MYH10: variants seen among roughly 807,000 people sequenced by gnomAD.
The protein encoded by MYH10 is myosin heavy chain 10, also known as myosin-10.
MYH10 carries 55 observed loss-of-function variants against 257.8 expected under a neutral mutation model. The ratio of observed to expected loss-of-function variants is 0.21; its 90% confidence interval spans 0.17 to 0.27. MYH10 has a LOEUF of 0.27. MYH10 is among the 10% of genes least tolerant of loss of function. The probability of loss-of-function intolerance (pLI) is 1.00; values close to 1 mark genes in which losing one functional copy is unlikely to be tolerated. For missense variants in MYH10, 1,631 were observed against 2,500.6 expected (o/e 0.65, Z 7.42); for synonymous variants, 854 against 921.7 (o/e 0.93, Z 1.33).
intron 9 of MYH10, among the ~76,000 whole-genome samples, chr17:8,551,154 A>AAT (rs397961302): frequency 5.1e-4 from 60 of 118,626 alleles, no homozygotes; most frequent in South Asian, 1.4e-3. Context: ...TAAATAAATA[A>AAT]TAAATTTAAA....
rs555793170 is a variant in MYH10, at chr17:8,569,823, T to A, written c.664-11A>T. 2 of 1,584,844 alleles carry A rather than the reference T, an allele frequency of 1.3e-6. No individual in the cohort carries two copies. The highest frequency in any genetic ancestry group is 1.7e-6 in the Non-Finnish European group (2 of 1,159,216). On this transcript the variant is annotated splice_polypyrimidine_tract_variant and intron_variant, in intron 6 of 42. Coordinates refer to ENST00000360416, the MANE Select transcript of MYH10 (RefSeq NM_001256012.3). The surrounding 1 kb of genome is among the most constrained non-coding windows in gnomAD (Gnocchi z 4.1). ...CCGTTCAAGTTCCCCCTAAAAGACA[T>A]TACACACACACAAATAAAAGCAGAT...
intron 21 of MYH10, among the ~76,000 whole-genome samples, chr17:8,515,033 G>C (rs2081420348): frequency 6.6e-6 from 1 of 152,144 alleles, no homozygotes; most frequent in African/African-American, 2.4e-5. Flanking sequence ...CTCCCACCTA[G>C]ACTCTGAGTT....
intron 3 of MYH10, among the ~76,000 whole-genome samples, chr17:8,591,805 C>A (rs771932214): frequency 1.3e-5 from 2 of 152,126 alleles, no homozygotes; most frequent in Non-Finnish European, 2.9e-5. Context: ...AAAACCAACT[C>A]TCTTCTAGCC....
Position 8,548,789 on chromosome 17 carries a change from TA to T in MYH10, c.920-3del. The T allele has an allele frequency of 6.2e-7, 1 of 1,607,200 alleles. No homozygotes were observed. Among genetic ancestry groups the T allele is most frequent in the South Asian group, 1.1e-5 (1 of 90,786 alleles). On this transcript the variant is annotated splice_polypyrimidine_tract_variant and splice_region_variant and intron_variant, in intron 9 of 42. Transcript: ENST00000360416. Reference sequence around the variant, plus strand: ...TAAATCCTTCAAGAAGCAAATCAGCTAAAAGGAAATATAATGGAAGAAAATT... The same window carrying T: ...TAAATCCTTCAAGAAGCAAATCAGCTAAAGGAAATATAATGGAAGAAAATT...
chr17:8,541,968 G>T (rs2082302924), intron 14 of MYH10, 139 bp downstream of exon 14: 4 of 827,566 alleles, frequency 4.8e-6, no homozygotes, highest in Non-Finnish European at 7.3e-6. Flanking sequence ...TTTTATCAGA[G>T]TATCACCTTC....
At chr17:8,519,591 C>T (rs1190858142) in intron 19 of MYH10, among the ~76,000 whole-genome samples, 1 of 151,690 alleles carries the variant, frequency 6.6e-6, no homozygotes, top group African/African-American at 2.4e-5. Flanking sequence ...ATTATACTCC[C>T]TTTTTCTCCT....
chr17:8,609,072 A>G (rs901248139), intron 2 of MYH10, among the ~76,000 whole-genome samples: 3 of 152,222 alleles, frequency 2.0e-5, no homozygotes, highest in African/African-American at 7.2e-5. Context: ...TGGCCTCCCA[A>G]AGTGCTGGGA....
At chr17:8,604,062 C>T (rs941198750) in intron 3 of MYH10, among the ~76,000 whole-genome samples, 3 of 152,042 alleles carry the variant, frequency 2.0e-5, no homozygotes, top group South Asian at 2.1e-4. Flanking sequence ...CAGCACAGCC[C>T]GTTTTCTGAA....
chr17:8,514,190 G>A (rs1276425668), intron 21 of MYH10, among the ~76,000 whole-genome samples: 4 of 152,106 alleles, frequency 2.6e-5, no homozygotes, highest in Non-Finnish European at 4.4e-5. Context: ...CCCACACTGC[G>A]CACACTAAGA....
At chr17:8,489,451 C>T (rs1915390207) in intron 35 of MYH10, among the ~76,000 whole-genome samples, 1 of 152,182 alleles carries the variant, frequency 6.6e-6, no homozygotes, top group Admixed American at 6.5e-5. Flanking sequence ...TGCCTGTAAT[C>T]CCAGCACTTT....
Position 8,475,619 on chromosome 17 carries a change from T to C in MYH10, c.*185A>G. The C allele has an allele frequency of 3.2e-6, 2 of 631,020 alleles. No individual in the cohort carries two copies. Among genetic ancestry groups the C allele is most frequent in the East Asian group, 5.3e-5 (2 of 37,568 alleles). 39.1% of individuals were successfully genotyped at this position (631,020 alleles called of 1,614,324 possible). A position where few individuals can be genotyped will look rare whatever the true frequency, so the allele number is the denominator to read the frequency against. ...TATGTGTCCTGTGTGTGTCTATATA[T>C]AAAAAGGGGAGCAATTGTACCTAAG... On this transcript the variant is annotated 3_prime_UTR_variant, in exon 43 of 43. Transcript: ENST00000360416.
intron 16 of MYH10, among the ~76,000 whole-genome samples, chr17:8,531,913 A>G (rs757629546): frequency 9.8e-5 from 15 of 152,342 alleles, no homozygotes; most frequent in Non-Finnish European, 1.9e-4. Flanking sequence ...CAGAGTGAGC[A>G]GTGATAAATC....
intron 3 of MYH10, among the ~76,000 whole-genome samples, chr17:8,598,565 T>A (rs1257041494): frequency 6.6e-6 from 1 of 152,166 alleles, no homozygotes; most frequent in East Asian, 1.9e-4. Context: ...TAGCAAAAAA[T>A]TGTCTATTAT....
intron 2 of MYH10, among the ~76,000 whole-genome samples, chr17:8,608,809 A>C (rs1406986262): frequency 6.6e-6 from 1 of 150,400 alleles, no homozygotes; most frequent in Non-Finnish European, 1.5e-5. Context: ...ATGATTGGGA[A>C]ATTTTTTTTT....
chr17:8,550,114 T>C (rs573189950), intron 9 of MYH10, among the ~76,000 whole-genome samples: 24 of 150,122 alleles, frequency 1.6e-4, no homozygotes, highest in African/African-American at 5.9e-4. Flanking sequence ...CGCCACCCCG[T>C]CTGGGAAGTG....
chr17:8,577,978 A>G (rs2152021991), intron 4 of MYH10, among the ~76,000 whole-genome samples: 3 of 152,344 alleles, frequency 2.0e-5, no homozygotes, highest in Middle Eastern at 6.8e-3. Flanking sequence ...TACCATAAAC[A>G]TATCTGGCAC....
At chr17:8,514,002 G>T in intron 21 of MYH10, 108 bp from the exon 22 acceptor site, 1 of 940,666 alleles carries the variant, frequency 1.1e-6, no homozygotes, top group Non-Finnish European at 1.6e-6. Context: ...CTAGGATAGG[G>T]AATGATTGCA....
chr17:8,535,992 C>T lies in MYH10; in HGVS notation c.1606-61G>A. The T allele has an allele frequency of 1.4e-6, 2 of 1,470,248 alleles. No individual in the cohort carries two copies. Among genetic ancestry groups the T allele is most frequent in the East Asian group, 2.3e-5 (1 of 43,710 alleles). 91.1% of individuals were successfully genotyped at this position (1,470,248 alleles called of 1,614,324 possible). On this transcript the variant is annotated intron_variant, in intron 14 of 42. Transcript: ENST00000360416. This position sits in a 1 kb window ranked among gnomAD's most constrained non-coding sequence, Gnocchi z 4.3. ...GCATGCCACTTTAATACTACTGAGT[C>T]TGGCACTTAAACTTCTAAAACAATT...
At chr17:8,512,707 C>G (rs1169100327) in intron 23 of MYH10, 50 bp from the exon 24 acceptor site, 1 of 1,465,770 alleles carries the variant, frequency 6.8e-7, no homozygotes, top group South Asian at 1.2e-5. Flanking sequence ...CATACGTACA[C>G]AGTATATATT....
Sources: allele counts gnomAD v4.1 joint callset (sites outside exome capture counted in the v4.1 genomes callset), GRCh38; gene constraint gnomAD v4.1.1; non-coding constraint Gnocchi (gnomAD v3.1); transcripts MANE v1.5; gene names NCBI Gene and HGNC (gene_info 2026-07-23, HGNC 2026-07-21).